Variants in PGBD5 observed in about 807,000 individuals in gnomAD.
The protein encoded by PGBD5 is piggyBac transposable element derived 5.
PGBD5 carries 14 observed loss-of-function variants against 47.9 expected under a neutral mutation model. The observed-to-expected ratio is 0.29, with a 90% confidence interval of 0.19 to 0.46. PGBD5 has a LOEUF of 0.46. Among genes scored for constraint, PGBD5 ranks in the 20% least tolerant of loss-of-function variants. The probability of loss-of-function intolerance (pLI) is 1.00; values close to 1 mark genes in which losing one functional copy is unlikely to be tolerated. For synonymous variants in PGBD5, 316 were observed against 306.3 expected, an observed-to-expected ratio of 1.03 and a Z score of -0.33; for missense variants, 635 against 716.0, an observed-to-expected ratio of 0.89 and a Z score of 1.29.
chr1:230,410,743 C>G (rs1657391445), intron 1 of PGBD5, among the ~76,000 whole-genome samples: 1 of 152,066 alleles, frequency 6.6e-6, no homozygotes, highest in African/African-American at 2.4e-5. Context: ...TAAAAAGGAA[C>G]TTTGCACTAA....
chr1:230,334,921 G>A (rs1296825030), intron 4 of PGBD5, among the ~76,000 whole-genome samples: 7 of 151,754 alleles, frequency 4.6e-5, no homozygotes, highest in African/African-American at 1.7e-4. Flanking sequence ...AGAACCACAG[G>A]AGCAGCACAC....
At chr1:230,371,101 C>T (rs1361241333) in intron 1 of PGBD5, among the ~76,000 whole-genome samples, 1 of 152,204 alleles carries the variant, frequency 6.6e-6, no homozygotes. Flanking sequence ...CTCACCTCAG[C>T]TCCCGAAGAC....
intron 4 of PGBD5, among the ~76,000 whole-genome samples, chr1:230,334,301 AAGG>A (rs1667268161): frequency 6.6e-6 from 1 of 152,176 alleles, no homozygotes; most frequent in Non-Finnish European, 1.5e-5. Context: ...GAGATGTAAA[AAGG>A]AGAATCTGTT....
At chr1:230,362,121 C>G (rs1042370655) in intron 1 of PGBD5, 2 of 1,102,520 alleles carry the variant, frequency 1.8e-6, no homozygotes, top group Non-Finnish European at 2.3e-6. Context: ...GCGCGGGAAG[C>G]CAGTGAAGGG....
intron 1 of PGBD5, among the ~76,000 whole-genome samples, chr1:230,373,969 A>G (rs1667972496): frequency 6.6e-6 from 1 of 152,190 alleles, no homozygotes; most frequent in African/African-American, 2.4e-5. Context: ...GGTGTGAGCC[A>G]CCACGCCTGG....
intron 1 of PGBD5, among the ~76,000 whole-genome samples, chr1:230,359,547 C>T (rs1027928504): frequency 1.9e-4 from 29 of 152,184 alleles, no homozygotes; most frequent in Admixed American, 1.5e-3. Flanking sequence ...GGGGCTCTGA[C>T]ACCCCAAATT....
chr1:230,348,194 C>T (rs548854216), intron 3 of PGBD5, among the ~76,000 whole-genome samples: 1 of 152,302 alleles, frequency 6.6e-6, no homozygotes, highest in East Asian at 1.9e-4. Context: ...GTACAGAACC[C>T]TACATATGAC....
chr1:230,404,847 C>T (rs897402511), intron 1 of PGBD5, among the ~76,000 whole-genome samples: 1 of 148,814 alleles, frequency 6.7e-6, no homozygotes, highest in Admixed American at 6.9e-5. Flanking sequence ...ATTGCTTGAA[C>T]CAGGGAGGCA....
chr1:230,362,459 G>T (rs1667763084), intron 1 of PGBD5: 3 of 1,234,162 alleles, frequency 2.4e-6, no homozygotes, highest in Non-Finnish European at 3.1e-6. Flanking sequence ...CCGCCTCAAG[G>T]CCTGATCCTC....
At chr1:230,401,606 G>C (rs141139937) in intron 1 of PGBD5, among the ~76,000 whole-genome samples, 1,603 of 152,314 alleles carry the variant, frequency 0.011, 34 homozygotes, top group African/African-American at 0.036. Context: ...CTGACTTCCA[G>C]TGGATTAAAG....
intron 3 of PGBD5, among the ~76,000 whole-genome samples, chr1:230,344,490 A>G (rs767568898): frequency 5.3e-5 from 8 of 152,258 alleles, no homozygotes; most frequent in Non-Finnish European, 1.0e-4. Flanking sequence ...GCTTAAGCAC[A>G]GAGCCTGGCC....
chr1:230,332,726 G>T (rs1571825574), intron 5 of PGBD5, 118 bp downstream of exon 5: 2 of 1,210,854 alleles, frequency 1.7e-6, no homozygotes, highest in Non-Finnish European at 2.4e-6. Flanking sequence ...ACCGAGGGTA[G>T]TCTGACCCCA....
At chr1:230,349,069 A>G (rs1251701581) in intron 3 of PGBD5, among the ~76,000 whole-genome samples, 1 of 152,232 alleles carries the variant, frequency 6.6e-6, no homozygotes, top group African/African-American at 2.4e-5. Flanking sequence ...ATAGATGTGG[A>G]TTTTACAGAT....
chr1:230,384,901 T>C (rs899146756), intron 1 of PGBD5, among the ~76,000 whole-genome samples: 2 of 152,234 alleles, frequency 1.3e-5, no homozygotes, highest in African/African-American at 4.8e-5. Context: ...GCCTGCTGAC[T>C]TCTTAGCTGC....
chr1:230,358,819 T>TAG (rs2102707354), intron 1 of PGBD5, among the ~76,000 whole-genome samples: 1 of 152,338 alleles, frequency 6.6e-6, no homozygotes, highest in South Asian at 2.1e-4. Flanking sequence ...CCTAGGTGTG[T>TAG]AGGAGGCTGT....
chr1:230,359,780 C>A (rs979903130), intron 1 of PGBD5, among the ~76,000 whole-genome samples: 2 of 152,200 alleles, frequency 1.3e-5, no homozygotes, highest in African/African-American at 4.8e-5. Context: ...AATTCATTGA[C>A]AGCCAGGCCG....
rs1666958900 is a variant in PGBD5 at position 230,316,794 on chromosome 1, C to T, written c.*6631G>A. 1 of 152,078 alleles carries T rather than the reference C, an allele frequency of 6.6e-6. No individual in the cohort carries two copies. The highest frequency in any genetic ancestry group is 1.5e-5 in the Non-Finnish European group (1 of 68,028). The allele number at this position is 152,078 out of a possible 1,614,324, so 9.4% of individuals were successfully genotyped here. A position where few individuals can be genotyped will look rare whatever the true frequency, so the allele number is the denominator to read the frequency against. The stretch of plus-strand genomic sequence containing the variant: ...ACACTGTGGAAATGAAAGGAATAAA[C>T]TTATTCATGTTTAAGAGCTAGAGCC... On this transcript the variant is annotated 3_prime_UTR_variant, in exon 7 of 7. Coordinates refer to ENST00000391860, the MANE Select transcript of PGBD5 (RefSeq NM_001258311.2).
chr1:230,329,124 G>GT (rs1299973531), intron 5 of PGBD5, among the ~76,000 whole-genome samples: 30 of 150,756 alleles, frequency 2.0e-4, no homozygotes, highest in Middle Eastern at 3.2e-3. Context: ...TTTTTTTTTG[G>GT]GGGGGGAGGT....
chr1:230,335,808 G>GAGATGC (rs1667310689), intron 4 of PGBD5, among the ~76,000 whole-genome samples: 2 of 6,656 alleles, frequency 3.0e-4, no homozygotes, highest in Non-Finnish European at 9.3e-4. Context: ...AAGACACACA[G>GAGATGC]ACACATACAC....
Sources: allele counts gnomAD v4.1 joint callset (sites outside exome capture counted in the v4.1 genomes callset), GRCh38; gene constraint gnomAD v4.1.1; transcripts MANE v1.5; gene names NCBI Gene and HGNC (gene_info 2026-07-23, HGNC 2026-07-21).